NKAIN2: variants seen among roughly 807,000 people sequenced by gnomAD.
NKAIN2 encodes sodium/potassium-transporting ATPase subunit beta-1-interacting protein 2.
NKAIN2 carries 14 observed loss-of-function variants against 32.6 expected under a neutral mutation model. The observed-to-expected ratio is 0.43, with a 90% CI of 0.28 to 0.67. The LOEUF (loss-of-function observed/expected upper bound fraction) is 0.67, where lower values mean the gene tolerates loss of function less well. Ranked by LOEUF, NKAIN2 falls within the 30% of genes least tolerant of loss-of-function variation. The probability of loss-of-function intolerance (pLI) is 0.17; values close to 1 mark genes in which losing one functional copy is unlikely to be tolerated. For synonymous variants in NKAIN2, 80 were observed against 87.2 expected (o/e 0.92, Z 0.46); for missense variants, 198 against 258.3 (o/e 0.77, Z 1.60).
chr6:123,860,068 G>C (rs1252348859), intron 1 of NKAIN2, among the ~76,000 whole-genome samples: 1 of 152,138 alleles, frequency 6.6e-6, no homozygotes, highest in African/African-American at 2.4e-5. Context: ...TAAATCAGAT[G>C]TGATAAGGAA....
At chr6:124,350,422 G>A (rs1798666070) in intron 2 of NKAIN2, among the ~76,000 whole-genome samples, 1 of 152,052 alleles carries the variant, frequency 6.6e-6, no homozygotes, top group African/African-American at 2.4e-5. Flanking sequence ...GAAAAAAAAT[G>A]TAGAAAAGAA....
At chr6:123,889,940 G>A (rs563340896) in intron 1 of NKAIN2, among the ~76,000 whole-genome samples, 1 of 152,066 alleles carries the variant, frequency 6.6e-6, no homozygotes, top group Admixed American at 6.6e-5. Flanking sequence ...TTATTTGTAA[G>A]CCACAATGAT....
At chr6:124,390,731 A>G (rs1283104180) in intron 3 of NKAIN2, 1 of 152,106 alleles carries the variant, frequency 6.6e-6, no homozygotes, top group African/African-American at 2.4e-5. Context: ...TGTCTACCTC[A>G]GCACCCATCT....
chr6:124,112,764 T>C (rs1785441315), intron 1 of NKAIN2, among the ~76,000 whole-genome samples: 1 of 152,052 alleles, frequency 6.6e-6, no homozygotes. Context: ...CTATTCTTTT[T>C]TTCTCTTTTT....
intron 3 of NKAIN2, among the ~76,000 whole-genome samples, chr6:124,620,809 C>G (rs1235884484): frequency 6.6e-6 from 1 of 152,140 alleles, no homozygotes; most frequent in Non-Finnish European, 1.5e-5. Flanking sequence ...ACAGCCTACC[C>G]AAGCTAAAAA....
chr6:124,525,106 G>A (rs1417829106), intron 3 of NKAIN2, among the ~76,000 whole-genome samples: 3 of 152,096 alleles, frequency 2.0e-5, no homozygotes, highest in Admixed American at 6.6e-5. Context: ...TCAGTGAACC[G>A]TTGACAGAAA....
chr6:124,447,890 G>A (rs1394130371), intron 3 of NKAIN2, among the ~76,000 whole-genome samples: 3 of 152,082 alleles, frequency 2.0e-5, no homozygotes, highest in African/African-American at 7.2e-5. Flanking sequence ...TCTCTGTGAA[G>A]TGCTGTCACT....
chr6:124,517,570 G>C (rs1345050267), intron 3 of NKAIN2, among the ~76,000 whole-genome samples: 1 of 152,112 alleles, frequency 6.6e-6, no homozygotes, highest in East Asian at 1.9e-4. Flanking sequence ...AGGAAGAATA[G>C]CAAGGCCTCT....
chr6:124,021,199 A>G (rs1183027212), intron 1 of NKAIN2, among the ~76,000 whole-genome samples: 2 of 151,946 alleles, frequency 1.3e-5, no homozygotes, highest in African/African-American at 4.8e-5. Flanking sequence ...ACAAGTACAC[A>G]TTTAAAAAGT....
intron 2 of NKAIN2, among the ~76,000 whole-genome samples, chr6:124,344,297 A>G (rs966463866): frequency 1.2e-4 from 18 of 152,062 alleles, no homozygotes; most frequent in Non-Finnish European, 2.5e-4. Flanking sequence ...TTGGCTTAGG[A>G]TTCACTTGGT....
chr6:124,395,379 A>G (rs1007292736), intron 3 of NKAIN2, among the ~76,000 whole-genome samples: 1 of 152,154 alleles, frequency 6.6e-6, no homozygotes, highest in Non-Finnish European at 1.5e-5. Context: ...CATTTACCAA[A>G]TAGTGTATTC....
chr6:123,983,365 A>T (rs1778986952), intron 1 of NKAIN2, among the ~76,000 whole-genome samples: 1 of 152,138 alleles, frequency 6.6e-6, no homozygotes, highest in Admixed American at 6.6e-5. Context: ...GATGTGTTAG[A>T]TGGAACTCTG....
intron 3 of NKAIN2, among the ~76,000 whole-genome samples, chr6:124,482,979 G>A (rs371575688): frequency 9.9e-5 from 15 of 152,050 alleles, no homozygotes; most frequent in East Asian, 3.9e-4. Context: ...AAAATTAGCC[G>A]GGCGTGGTGG....
At chr6:124,216,170 A>G (rs1322354655) in intron 1 of NKAIN2, among the ~76,000 whole-genome samples, 1 of 151,828 alleles carries the variant, frequency 6.6e-6, no homozygotes, top group East Asian at 1.9e-4. Flanking sequence ...TCTAAATAGG[A>G]GCATGAGTAT....
intron 4 of NKAIN2, among the ~76,000 whole-genome samples, chr6:124,680,771 A>G (rs190944818): frequency 3.0e-4 from 45 of 152,154 alleles, no homozygotes; most frequent in African/African-American, 1.1e-3. Context: ...TGCAGATAAT[A>G]TTTGCGCTGA....
chr6:123,949,326 A>G (rs1474392043), intron 1 of NKAIN2, among the ~76,000 whole-genome samples: 2 of 151,868 alleles, frequency 1.3e-5, no homozygotes, highest in Non-Finnish European at 2.9e-5. Context: ...TATTTTTTCT[A>G]TGTCTGTGAA....
chr6:124,186,602 T>A (rs796658376), intron 1 of NKAIN2, among the ~76,000 whole-genome samples: 8 of 152,296 alleles, frequency 5.3e-5, no homozygotes, highest in African/African-American at 1.9e-4. Flanking sequence ...AGTGAAGCAT[T>A]TGAAAGTATG....
chr6:124,229,402 A>C (rs1792305997), intron 1 of NKAIN2, among the ~76,000 whole-genome samples: 1 of 152,176 alleles, frequency 6.6e-6, no homozygotes, highest in African/African-American at 2.4e-5. Flanking sequence ...TGTCAGGAAG[A>C]AGTTATCTCA....
intron 1 of NKAIN2, among the ~76,000 whole-genome samples, chr6:123,971,388 G>A (rs1441654939): frequency 6.6e-6 from 1 of 151,662 alleles, no homozygotes; most frequent in Non-Finnish European, 1.5e-5. Flanking sequence ...ATTTTAATAC[G>A]GATTTGTATG....
Sources: allele counts gnomAD v4.1 joint callset (sites outside exome capture counted in the v4.1 genomes callset), GRCh38; gene constraint gnomAD v4.1.1; transcripts MANE v1.5; gene names NCBI Gene and HGNC (gene_info 2026-07-23, HGNC 2026-07-21).